The following ANO10 variants were observed in gnomAD, a reference collection of about 807,000 sequenced individuals.
ANO10 encodes anoctamin-10.
In ANO10, 77 loss-of-function variants were observed where a neutral mutation model predicts 74.7. The observed-to-expected ratio is 1.03, with a 90% confidence interval of 0.86 to 1.25. ANO10 has a LOEUF of 1.25. ANO10 is among the 50% of genes most tolerant of loss of function. ANO10 has a pLI of 0.00. For missense variants in ANO10, 721 were observed against 778.1 expected (o/e 0.93, Z 0.87); for synonymous variants, 279 against 284.9 (o/e 0.98, Z 0.21).
chr3:43,525,028 G>C (rs780541455), intron 11 of ANO10, among the ~76,000 whole-genome samples: 2 of 152,146 alleles, frequency 1.3e-5, no homozygotes, highest in African/African-American at 2.4e-5. Context: ...CATCCTCCAA[G>C]TTGAGCAAGA....
chr3:43,370,112 G>A (rs1436747464), intron 12 of ANO10, among the ~76,000 whole-genome samples: 1 of 152,216 alleles, frequency 6.6e-6, no homozygotes, highest in Non-Finnish European at 1.5e-5. Flanking sequence ...CTGGTGAAGA[G>A]GAGGCTGAGC....
intron 11 of ANO10, among the ~76,000 whole-genome samples, chr3:43,518,053 T>A (rs1227459381): frequency 6.6e-6 from 1 of 152,124 alleles, no homozygotes. Context: ...GGCAGGAATT[T>A]TAAACACACG....
At chr3:43,517,050 C>T (rs967386310) in intron 11 of ANO10, among the ~76,000 whole-genome samples, 5 of 152,146 alleles carry the variant, frequency 3.3e-5, no homozygotes, top group African/African-American at 1.2e-4. Context: ...GCTATAAGAA[C>T]AGCTACCATG....
Position 43,400,590 on chromosome 3 carries a change from A to G in ANO10, c.1914+32021T>C, listed in dbSNP as rs188092017. Among the ~76,000 whole-genome samples, 439 of 152,202 alleles carry G rather than the reference A, an allele frequency of 2.9e-3. 1 individual carries two copies. The highest frequency in any genetic ancestry group is 0.01 in the African/African-American group (423 of 41,516). ...GGAATTCGAAACCAGCCTGGGCAACATGGCAAAACTCTGTCTCTAAAAAAC... is the reference window on the plus strand; with the variant it reads ...GGAATTCGAAACCAGCCTGGGCAACGTGGCAAAACTCTGTCTCTAAAAAAC... On this transcript the variant is annotated intron_variant, in intron 12 of 12. Coordinates refer to ENST00000292246, the MANE Select transcript of ANO10 (RefSeq NM_018075.5).
intron 11 of ANO10, among the ~76,000 whole-genome samples, chr3:43,455,085 A>G (rs1421162536): frequency 6.6e-6 from 1 of 152,134 alleles, no homozygotes; most frequent in Non-Finnish European, 1.5e-5. Context: ...AGTCAAATAC[A>G]TGGGCACAAA....
rs569597758 is a variant in ANO10 at position 43,450,201 on chromosome 3, G to T, written c.1798-17474C>A. Reference sequence around the variant, plus strand: ...TTCTGGAATAAAGTAGAAAAAATATGAATATAATTTACAGCATGAAAAATC... The same window carrying T: ...TTCTGGAATAAAGTAGAAAAAATATTAATATAATTTACAGCATGAAAAATC... On this transcript the variant is annotated intron_variant, in intron 11 of 12. Transcript: ENST00000292246. 1.2e-4 allele frequency among the ~76,000 whole-genome samples: 19 copies of T among 152,126 alleles called. No individual in the cohort carries two copies. The East Asian group carries it at 3.7e-3, about 29-fold the overall frequency.
intron 12 of ANO10, among the ~76,000 whole-genome samples, chr3:43,368,403 A>G (rs17075617): frequency 0.028 from 4,219 of 152,240 alleles, 205 homozygotes; most frequent in African/African-American, 0.093. Flanking sequence ...ATGACCCACC[A>G]CTGCAAGATT....
At chr3:43,596,023 G>T (rs1440985223) in intron 4 of ANO10, among the ~76,000 whole-genome samples, 1 of 152,012 alleles carries the variant, frequency 6.6e-6, no homozygotes, top group African/African-American at 2.4e-5. Flanking sequence ...TTGCTTCAAA[G>T]AAAATAAAAA....
At chr3:43,462,240 G>T (rs891113002) in intron 11 of ANO10, among the ~76,000 whole-genome samples, 1 of 152,076 alleles carries the variant, frequency 6.6e-6, no homozygotes, top group Non-Finnish European at 1.5e-5. Flanking sequence ...TTGTTTGTTT[G>T]CTTTTCGAGA....
At chr3:43,554,448 C>T (rs992151679) in intron 10 of ANO10, among the ~76,000 whole-genome samples, 3 of 152,148 alleles carry the variant, frequency 2.0e-5, no homozygotes, top group African/African-American at 7.2e-5. Flanking sequence ...CTGCCTCAAC[C>T]TCCCAAAGTG....
intron 2 of ANO10, among the ~76,000 whole-genome samples, chr3:43,601,443 C>T (rs1164974904): frequency 6.6e-6 from 1 of 152,140 alleles, no homozygotes; most frequent in African/African-American, 2.4e-5. Context: ...GAGATTCACC[C>T]GCTTTGGCCT....
At chr3:43,642,557 T>G (rs942623121) in intron 1 of ANO10, among the ~76,000 whole-genome samples, 1 of 152,284 alleles carries the variant, frequency 6.6e-6, no homozygotes, top group South Asian at 2.1e-4. Context: ...CTTTTGTCTT[T>G]TTTATTTGAA....
chr3:43,400,659 A>G lies in ANO10; in HGVS notation c.1914+31952T>C, dbSNP rs535915149. 5.9e-5 allele frequency among the ~76,000 whole-genome samples: 9 copies of G among 152,246 alleles called. No homozygotes were observed. The South Asian group carries it at 1.7e-3, about 28-fold the overall frequency. ...GCCAGGCATGGTGGCGCACACCTGT[A>G]TTTCCAACTACTTGGGAAGCTGAGG... is the stretch of plus-strand genomic sequence containing the variant. On this transcript the variant is annotated intron_variant, in intron 12 of 12. Transcript: ENST00000292246.
intron 11 of ANO10, among the ~76,000 whole-genome samples, chr3:43,436,641 A>G (rs1339225837): frequency 1.3e-5 from 2 of 152,192 alleles, no homozygotes; most frequent in African/African-American, 4.8e-5. Context: ...TAGCACTCAG[A>G]AGCTAAATGT....
chr3:43,638,402 T>C (rs1371907598), intron 1 of ANO10, among the ~76,000 whole-genome samples: 1 of 152,156 alleles, frequency 6.6e-6, no homozygotes, highest in Non-Finnish European at 1.5e-5. Context: ...ATTACCCCTA[T>C]TAAAGCATGT....
intron 1 of ANO10, among the ~76,000 whole-genome samples, chr3:43,633,305 C>G (rs1248561450): frequency 6.6e-6 from 1 of 152,116 alleles, no homozygotes; most frequent in Non-Finnish European, 1.5e-5. Flanking sequence ...AGATGAAATA[C>G]CACATACATA....
Position 43,366,956 on chromosome 3 carries a change from C to G in ANO10, c.1933G>C (p.Glu645Gln). 1 of 1,601,940 alleles carries G rather than the reference C, an allele frequency of 6.2e-7. No individual in the cohort carries two copies. The highest frequency in any genetic ancestry group is 1.3e-5 in the African/African-American group (1 of 74,948). Residue 645 changes from glutamate to glutamine, a missense_variant, in exon 13 of 13, where the codon GAG (glutamate) becomes CAG (glutamine). Physicochemically the swap from Glu to Gln is conservative, Grantham distance 29. Transcript: ENST00000292246. ...TCCATTGGTTCCTCCTTCAGGTTCT[C>G]GGTCACGAGCTTCATTTGCTGTTAA... Reference protein sequence around the residue: ...LKQQQMKLVTENLKEEPMESG... With the variant: ...LKQQQMKLVTQNLKEEPMESG...
chr3:43,684,401 G>C (rs2084245565), intron 1 of ANO10, among the ~76,000 whole-genome samples: 1 of 152,104 alleles, frequency 6.6e-6, no homozygotes, highest in Non-Finnish European at 1.5e-5. Flanking sequence ...ACACCAGTTA[G>C]AATGGCAATC....
At chr3:43,397,049 C>A (rs562752547) in intron 12 of ANO10, among the ~76,000 whole-genome samples, 5 of 152,086 alleles carry the variant, frequency 3.3e-5, no homozygotes, top group East Asian at 3.9e-4. Flanking sequence ...CCTGCCTCAG[C>A]CTCCCAAGTA....
Sources: allele counts gnomAD v4.1 joint callset (sites outside exome capture counted in the v4.1 genomes callset), GRCh38; gene constraint gnomAD v4.1.1; transcripts MANE v1.5; gene names NCBI Gene and HGNC (gene_info 2026-07-23, HGNC 2026-07-21).